ULK1: variants seen among roughly 807,000 people sequenced by gnomAD.
ULK1 encodes the protein unc-51 like autophagy activating kinase 1.
In ULK1, 48 loss-of-function variants were observed where a neutral mutation model predicts 117.5. The ratio of observed to expected loss-of-function variants is 0.41; its 90% CI spans 0.32 to 0.52. The LOEUF (loss-of-function observed/expected upper bound fraction) is 0.52, where lower values mean the gene tolerates loss of function less well. Ranked by LOEUF, ULK1 falls within the 20% of genes least tolerant of loss-of-function variation. The pLI is 0.29. For synonymous variants in ULK1, 790 were observed against 637.8 expected, an observed-to-expected ratio of 1.24 and a Z score of -3.60; for missense variants, 1,387 against 1,473.4, an observed-to-expected ratio of 0.94 and a Z score of 0.96.
At chr12:131,906,791 C>A in intron 3 of ULK1, 101 bp from the exon 4 acceptor site, 2 of 1,462,818 alleles carry the variant, frequency 1.4e-6, no homozygotes, top group Non-Finnish European at 9.6e-7. Context: ...TAAGTCCTGG[C>A]ACTGCAGGGC....
At position 131,915,887 on chromosome 12, in the gene ULK1, C is replaced by T. The variant is rs771362642; in HGVS notation, c.1610-4C>T. Reference sequence around the variant, plus strand: ...AGGTCGTGACGAGGCGTGTCTCTCTCTAGGCTCCTCTGCACCCGAGCACTC... The same window carrying T: ...AGGTCGTGACGAGGCGTGTCTCTCTTTAGGCTCCTCTGCACCCGAGCACTC... On this transcript the variant is annotated splice_region_variant and splice_polypyrimidine_tract_variant and intron_variant, in intron 18 of 27. Transcript: ENST00000321867. 6.2e-7 allele frequency: 1 copy of T among 1,609,570 alleles called. No individual in the cohort carries two copies. The highest frequency in any genetic ancestry group is 1.3e-5 in the African/African-American group (1 of 75,028).
intron 25 of ULK1, 113 bp downstream of exon 25, chr12:131,919,703 G>T: frequency 2.3e-6 from 3 of 1,297,810 alleles, no homozygotes; most frequent in Non-Finnish European, 3.2e-6. Context: ...CTGTGCAGAG[G>T]TGCAGAGGCC....
intron 8 of ULK1, 72 bp from the exon 9 acceptor site, chr12:131,909,703 A>C: frequency 2.8e-6 from 4 of 1,428,056 alleles, no homozygotes; most frequent in Non-Finnish European, 3.7e-6. Flanking sequence ...CTGGGGACGA[A>C]CGCACCGAGA....
At position 131,917,465 on chromosome 12, in the gene ULK1, C is replaced by A. The variant is rs761255869; in HGVS notation, c.2237C>A (p.Thr746Asn). Reference protein sequence around the residue: ...SLHPGARAGGTSSPSPVVFTV... With the variant: ...SLHPGARAGGNSSPSPVVFTV... ...CACCCAGGAGCCCGTGCTGGGGGCA[C>A]CAGCAGCCCTTCCCCGGTGGTCTTC... Residue 746 changes from threonine (T) to asparagine (N), a missense_variant, in exon 22 of 28, where the codon ACC becomes AAC. Coordinates refer to ENST00000321867, the MANE Select transcript of ULK1 (RefSeq NM_003565.4). The A allele has an allele frequency of 3.9e-6, 6 of 1,528,176 alleles. No individual in the cohort carries two copies. Among genetic ancestry groups the A allele is most frequent in the South Asian group, 1.2e-5 (1 of 80,962 alleles). 94.7% of individuals were successfully genotyped at this position (1,528,176 alleles called of 1,614,324 possible).
chr12:131,917,620 G>C, intron 22 of ULK1, 66 bp downstream of exon 22: 10 of 1,304,374 alleles, frequency 7.7e-6, no homozygotes, highest in Non-Finnish European at 9.8e-6. Context: ...GCGGACGGGG[G>C]CATCCTTTAA....
rs551700096 is a variant in ULK1, at chr12:131,901,487, G to A, written c.247-5405G>A. Among the ~76,000 whole-genome samples the A allele has an allele frequency of 2.6e-5, 4 of 152,300 alleles. No homozygotes were observed. The South Asian group carries it at 6.2e-4, about 24-fold the overall frequency. ...CAAAGCCATGCCCGCGTCCCGGGCCGCTCTCCTCCCTCCTATCGAGGGCAC... is the reference window on the plus strand; with the variant it reads ...CAAAGCCATGCCCGCGTCCCGGGCCACTCTCCTCCCTCCTATCGAGGGCAC... On this transcript the variant is annotated intron_variant, in intron 3 of 27. Transcript: ENST00000321867.
intron 11 of ULK1, 151 bp downstream of exon 11, chr12:131,910,455 C>G: frequency 7.3e-7 from 1 of 1,362,054 alleles, no homozygotes. Context: ...GCTCCTTGCT[C>G]TGCTGCAGCG....
chr12:131,902,774 G>A lies in ULK1; in HGVS notation c.247-4118G>A, dbSNP rs543558650. On this transcript the variant is annotated intron_variant, in intron 3 of 27. Transcript: ENST00000321867. The surrounding 1 kb of genome is among the most constrained non-coding windows in gnomAD (Gnocchi z 6.3). ...ACAACTGTGTGTGTCACCACGGGAC[G>A]GACCCCCGGACCCTGTCTTGGGAGG... Among the ~76,000 whole-genome samples the A allele has an allele frequency of 3.3e-5, 5 of 152,098 alleles. No individual in the cohort carries two copies. The highest frequency in any genetic ancestry group is 6.5e-5 in the Admixed American group (1 of 15,276).
chr12:131,904,874 T>C (rs1889211632), intron 3 of ULK1, among the ~76,000 whole-genome samples: 1 of 152,072 alleles, frequency 6.6e-6, no homozygotes, highest in Non-Finnish European at 1.5e-5. Context: ...TGAGTCTAGC[T>C]TCATCTCCCC....
chr12:131,902,984 G>GTTC lies in ULK1; in HGVS notation c.247-3906_247-3904dup. Reference sequence around the variant, plus strand: ...ACGTGGAGCCCGATGCCCTGTGTGGGTTCTGCAAGGCAGAGCTGGAGCCCG... The same window carrying GTTC: ...ACGTGGAGCCCGATGCCCTGTGTGGGTTCTTCTGCAAGGCAGAGCTGGAGCCCG... On this transcript the variant is annotated intron_variant, in intron 3 of 27. Transcript: ENST00000321867. The surrounding 1 kb of genome is among the most constrained non-coding windows in gnomAD (Gnocchi z 6.3). 6.6e-6 allele frequency among the ~76,000 whole-genome samples: 1 copy of GTTC among 152,144 alleles called. No homozygotes were observed. Among genetic ancestry groups the GTTC allele is most frequent in the African/African-American group, 2.4e-5 (1 of 41,516 alleles).
intron 3 of ULK1, chr12:131,898,161 T>A (rs983638241): frequency 6.6e-6 from 1 of 152,226 alleles, no homozygotes; most frequent in African/African-American, 2.4e-5. Flanking sequence ...CTGGCCTGAT[T>A]GGGTCTGCCG....
intron 13 of ULK1, 143 bp downstream of exon 13, chr12:131,912,232 G>C (rs1889571530): frequency 7.6e-7 from 1 of 1,319,486 alleles, no homozygotes; most frequent in Non-Finnish European, 1.0e-6. Flanking sequence ...CATCGGCCCA[G>C]CTTGGTTGGG....
chr12:131,917,118 TG>T lies in ULK1; in HGVS notation c.2182+61del, dbSNP rs1889845475. 7 of 268,238 alleles carry T rather than the reference TG, an allele frequency of 2.6e-5. 1 individual carries two copies. The highest frequency in any genetic ancestry group is 5.7e-5 in the East Asian group (1 of 17,424). The allele number at this position is 268,238 out of a possible 1,614,324, so 16.6% of individuals were successfully genotyped here. The stretch of plus-strand genomic sequence containing the variant: ...GGGATGGGGGTCGGAGGCTGTGGGA[TG>T]GGGGTCGGAGGCTGTGGGATGGGGG... On this transcript the variant is annotated intron_variant, in intron 21 of 27. Coordinates refer to ENST00000321867, the MANE Select transcript of ULK1 (RefSeq NM_003565.4).
At chr12:131,895,171 G>T in intron 1 of ULK1, 59 bp downstream of exon 1, 1 of 766,478 alleles carries the variant, frequency 1.3e-6, no homozygotes, top group African/African-American at 5.5e-5. Flanking sequence ...CTGCATCCCC[G>T]CCCCGAGATT....
At chr12:131,911,841 G>A (rs996141223) in intron 12 of ULK1, 101 bp from the exon 13 acceptor site, 44 of 1,543,406 alleles carry the variant, frequency 2.9e-5, no homozygotes, top group Middle Eastern at 3.4e-4. Context: ...CCAGCGCCCC[G>A]ATCTTTACTG....
chr12:131,916,883 A>G, intron 20 of ULK1, 70 bp from the exon 21 acceptor site: 2 of 1,188,570 alleles, frequency 1.7e-6, no homozygotes, highest in Middle Eastern at 2.5e-4. Context: ...TGGCCTGCAG[A>G]GGGACCTCTC....
At chr12:131,910,051 C>A in intron 10 of ULK1, 50 bp downstream of exon 10, 1 of 1,602,062 alleles carries the variant, frequency 6.2e-7, no homozygotes, top group Non-Finnish European at 8.5e-7. Context: ...TCCTTCCTTG[C>A]ATTTGCTGAT....
chr12:131,916,312 C>T (rs1235076834), intron 19 of ULK1, 86 bp from the exon 20 acceptor site: 3 of 1,518,478 alleles, frequency 2.0e-6, no homozygotes, highest in South Asian at 2.6e-5. Context: ...CCTGCCAGTT[C>T]CTGCGGACTC....
Position 131,907,479 on chromosome 12 carries a change from G to T in ULK1, c.280-16G>T. On this transcript the variant is annotated splice_polypyrimidine_tract_variant and intron_variant, in intron 4 of 27. Coordinates refer to ENST00000321867, the MANE Select transcript of ULK1 (RefSeq NM_003565.4). ...TGGGCCCTGCTGCAGCCTGATGCGTGTCTGGTCTCTTGCAGTACTGCAACG... is the reference window on the plus strand; with the variant it reads ...TGGGCCCTGCTGCAGCCTGATGCGTTTCTGGTCTCTTGCAGTACTGCAACG... 1 of 1,612,572 alleles carries T rather than the reference G, an allele frequency of 6.2e-7. No homozygotes were observed. Among genetic ancestry groups the T allele is most frequent in the Non-Finnish European group, 8.5e-7 (1 of 1,179,578 alleles).
Sources: allele counts gnomAD v4.1 joint callset (sites outside exome capture counted in the v4.1 genomes callset), GRCh38; gene constraint gnomAD v4.1.1; non-coding constraint Gnocchi (gnomAD v3.1); transcripts MANE v1.5; gene names NCBI Gene and HGNC (gene_info 2026-07-23, HGNC 2026-07-21).